The following PDK2 variants were observed in gnomAD, a reference collection of about 807,000 sequenced individuals.
The protein encoded by PDK2 is pyruvate dehydrogenase kinase, isozyme 2.
A neutral mutation model predicts 50.4 loss-of-function variants in PDK2; 34 were observed. The ratio of observed to expected loss-of-function variants is 0.68; its 90% CI spans 0.51 to 0.90. The LOEUF is 0.90. PDK2 is among the 40% of genes least tolerant of loss of function. PDK2 has a pLI of 0.00. For synonymous variants in PDK2, 232 were observed against 216.0 expected (o/e 1.07, Z -0.65); for missense variants, 377 against 544.5 (o/e 0.69, Z 3.06).
intron 2 of PDK2, among the ~76,000 whole-genome samples, chr17:50,098,187 C>T (rs967594548): frequency 3.9e-5 from 6 of 152,190 alleles, no homozygotes; most frequent in African/African-American, 1.2e-4. Context: ...AGGCCAGTCA[C>T]GTGAAGAATA....
chr17:50,099,861 C>T (rs776013777), intron 2 of PDK2, among the ~76,000 whole-genome samples: 1 of 152,240 alleles, frequency 6.6e-6, no homozygotes, highest in Non-Finnish European at 1.5e-5. Flanking sequence ...CATCCCAACG[C>T]GCTGAAGAGA....
chr17:50,102,928 G>A (rs1398437742), intron 2 of PDK2, among the ~76,000 whole-genome samples: 1 of 152,130 alleles, frequency 6.6e-6, no homozygotes, highest in Non-Finnish European at 1.5e-5. Context: ...CAAGAGCTAG[G>A]TTTGAATCCC....
At chr17:50,099,718 G>A (rs892330542) in intron 2 of PDK2, among the ~76,000 whole-genome samples, 9 of 152,218 alleles carry the variant, frequency 5.9e-5, no homozygotes, top group South Asian at 2.1e-4. Flanking sequence ...GCGTGAACCC[G>A]GGAGGCGGAG....
In PDK2 at chr17:50,110,140, C is replaced by G. The variant is rs1238487106; in HGVS notation, c.*43C>G. The G allele has an allele frequency of 6.5e-7, 1 of 1,539,246 alleles. No individual in the cohort carries two copies. Among genetic ancestry groups the G allele is most frequent in the Admixed American group, 1.9e-5 (1 of 53,740 alleles). On this transcript the variant is annotated 3_prime_UTR_variant, in exon 11 of 11. Transcript: ENST00000503176. ...CACCTGAGAGGACGGACTGCCGCCT[C>G]TGGGTCCCCCCACCGTGGTGCCCCT... is the stretch of plus-strand genomic sequence containing the variant.
chr17:50,098,306 T>C (rs1910051382), intron 2 of PDK2, among the ~76,000 whole-genome samples: 1 of 152,180 alleles, frequency 6.6e-6, no homozygotes, highest in African/African-American at 2.4e-5. Flanking sequence ...CAGTATGATA[T>C]AGTTGTGATT....
chr17:50,096,158 T>G, intron 1 of PDK2: 1 of 985,530 alleles, frequency 1.0e-6, no homozygotes, highest in Middle Eastern at 5.2e-4. Flanking sequence ...GCTGCCCCAG[T>G]GGGCAAGGAC....
Position 50,109,275 on chromosome 17 carries a change from GC to G in PDK2, c.970-8del, listed in dbSNP as rs776369922. On this transcript the variant is annotated splice_polypyrimidine_tract_variant and intron_variant, in intron 9 of 10. Coordinates refer to ENST00000503176, the MANE Select transcript of PDK2 (RefSeq NM_002611.5). This position sits in a 1 kb window ranked among gnomAD's most constrained non-coding sequence, Gnocchi z 5.0. Reference sequence around the variant, plus strand: ...GCCTCCTCATCCTCACTGCCTTCCTGCCCCGCTGCAGGCTGGCTTTGGTTAT... The same window carrying G: ...GCCTCCTCATCCTCACTGCCTTCCTGCCCGCTGCAGGCTGGCTTTGGTTAT... 1.7e-5 allele frequency: 27 copies of G among 1,592,296 alleles called. No homozygotes were observed. Among genetic ancestry groups the G allele is most frequent in the Non-Finnish European group, 2.2e-5 (25 of 1,162,462 alleles).
chr17:50,106,848 T>A lies in PDK2; in HGVS notation c.572T>A (p.Ile191Asn). The A allele has an allele frequency of 6.2e-7, 1 of 1,614,060 alleles. No individual in the cohort carries two copies. Among genetic ancestry groups the A allele is most frequent in the East Asian group, 2.2e-5 (1 of 44,878 alleles). The change falls in exon 5 of 11, where the codon ATC becomes AAC. Residue 191 changes from isoleucine (I) to asparagine (N), a missense_variant. By Grantham distance (149) the Ile-to-Asn change is moderately radical. Transcript: ENST00000503176. ...GCCCATCCCAAACACATCGGCAGCA[T>A]CGACCCCAACTGCAACGTCTCTGAG... ...NPAHPKHIGS[I>N]DPNCNVSEVV... is the part of the protein sequence containing the mutation.
Position 50,110,180 on chromosome 17 carries a change from G to A in PDK2, c.*83G>A. The stretch of plus-strand genomic sequence containing the variant: ...GTGGTGCCCCTCACCATCCTCCTGG[G>A]GGAGCAGGGGGTGGGTTCTCCCTGA... On this transcript the variant is annotated 3_prime_UTR_variant, in exon 11 of 11. Transcript: ENST00000503176. 7.0e-7 allele frequency: 1 copy of A among 1,420,962 alleles called. No individual in the cohort carries two copies. Among genetic ancestry groups the A allele is most frequent in the Middle Eastern group, 2.5e-4 (1 of 3,926 alleles). 88.0% of individuals were successfully genotyped at this position (1,420,962 alleles called of 1,614,324 possible). A position where few individuals can be genotyped will look rare whatever the true frequency, so the allele number is the denominator to read the frequency against.
At chr17:50,095,812 TA>T (rs1909907867) in intron 1 of PDK2, 1 of 1,267,882 alleles carries the variant, frequency 7.9e-7, no homozygotes, top group East Asian at 3.8e-5. Flanking sequence ...TCTTGAAGAG[TA>T]AGGGGCAGTG....
chr17:50,108,770 C>CCTA (rs2144374859), intron 9 of PDK2, 51 bp downstream of exon 9: 1 of 1,115,084 alleles, frequency 9.0e-7, no homozygotes, highest in Non-Finnish European at 1.3e-6. Flanking sequence ...AGGCTTCTCT[C>CCTA]CTCACTCACT....
chr17:50,095,410 C>T lies in PDK2; in HGVS notation c.-26C>T. 6.4e-7 allele frequency: 1 copy of T among 1,557,100 alleles called. No homozygotes were observed. The highest frequency in any genetic ancestry group is 1.1e-5 in the South Asian group (1 of 87,988). ...GCGAGCGCTGCCCGCGCGGGGACCA[C>T]AACCAAAGTCGCGGCCGCCGCAGCC... On this transcript the variant is annotated 5_prime_UTR_variant, in exon 1 of 11. Transcript: ENST00000503176.
chr17:50,095,642 A>G, intron 1 of PDK2, 89 bp downstream of exon 1: 1 of 1,495,224 alleles, frequency 6.7e-7, no homozygotes, highest in Non-Finnish European at 9.0e-7. Context: ...AGGAGAAGAA[A>G]GGCCCCGAGT....
At chr17:50,095,648 C>G in intron 1 of PDK2, 95 bp downstream of exon 1, 4 of 1,489,120 alleles carry the variant, frequency 2.7e-6, no homozygotes, top group Non-Finnish European at 9.0e-7. Context: ...AGAAAGGCCC[C>G]GAGTGACAGA....
chr17:50,098,815 G>A (rs1299487205), intron 2 of PDK2: 1 of 152,220 alleles, frequency 6.6e-6, no homozygotes, highest in Non-Finnish European at 1.5e-5. Context: ...GACACGTTGT[G>A]GGGCAGTTGC....
chr17:50,095,583 C>A, intron 1 of PDK2, 30 bp downstream of exon 1: 2 of 1,552,378 alleles, frequency 1.3e-6, no homozygotes, highest in Non-Finnish European at 1.8e-6. Flanking sequence ...CGGCTGGCAG[C>A]GGAGGCCGGC....
intron 2 of PDK2, among the ~76,000 whole-genome samples, chr17:50,102,676 C>T (rs1426107191): frequency 6.6e-6 from 1 of 152,184 alleles, no homozygotes; most frequent in Non-Finnish European, 1.5e-5. Context: ...GCAAGGGATT[C>T]GGAGCCACAT....
chr17:50,109,752 GCCT>G lies in PDK2; in HGVS notation c.1084-199_1084-197del, dbSNP rs1367270064. Among the ~76,000 whole-genome samples, 2 of 152,154 alleles carry G rather than the reference GCCT, an allele frequency of 1.3e-5. No homozygotes were observed. Among genetic ancestry groups the G allele is most frequent in the East Asian group, 3.9e-4 (2 of 5,190 alleles). On this transcript the variant is annotated intron_variant, in intron 10 of 10. Coordinates refer to ENST00000503176, the MANE Select transcript of PDK2 (RefSeq NM_002611.5). The surrounding 1 kb of genome is among the most constrained non-coding windows in gnomAD (Gnocchi z 5.0). Reference sequence around the variant, plus strand: ...GACTTGCTCAGGGTCACACAGCCCAGCCTCCTCCCCCTCCCTCTCCCTCCCTTA... The same window carrying G: ...GACTTGCTCAGGGTCACACAGCCCAGCCTCCCCCTCCCTCTCCCTCCCTTA...
intron 6 of PDK2, chr17:50,107,896 G>C: frequency 1.9e-6 from 1 of 528,490 alleles, no homozygotes; most frequent in East Asian, 3.4e-5. Flanking sequence ...TGCTGGACAG[G>C]TCAGGGCTGG....
Sources: gnomAD v4.1 joint callset for allele counts (sites outside exome capture counted in the v4.1 genomes callset) on GRCh38, gnomAD v4.1.1 for gene constraint, Gnocchi (gnomAD v3.1) non-coding constraint, MANE v1.5 for transcripts, NCBI Gene and HGNC (gene_info 2026-07-23, HGNC 2026-07-21) for gene names.